NKPD1: variants seen among roughly 807,000 people sequenced by gnomAD.
The protein encoded by NKPD1 is NTPase KAP family P-loop domain containing 1.
A neutral mutation model predicts 42.2 loss-of-function variants in NKPD1; 37 were observed. The ratio of observed to expected loss-of-function variants is 0.88; its 90% confidence interval spans 0.67 to 1.15. The LOEUF is 1.15. Ranked by LOEUF, NKPD1 falls within the 50% of genes most tolerant of loss-of-function variation. The probability of loss-of-function intolerance (pLI) is 0.00; values close to 1 mark genes in which losing one functional copy is unlikely to be tolerated. For synonymous variants in NKPD1, 552 were observed against 536.5 expected, an observed-to-expected ratio of 1.03 and a Z score of -0.40; for missense variants, 1,113 against 1,174.6, an observed-to-expected ratio of 0.95 and a Z score of 0.77.
Position 45,155,896 on chromosome 19 carries a change from C to T in NKPD1, c.550G>A (p.Val184Ile), listed in dbSNP as rs142428545. ...GTCTTGGCCAGGCAGCTGCAGTAGA[C>T]GTCATCCTCTGTCAGGATGTCTGGT... ...YSSDILTEDD[V>I]YCSCLAKTLC... The change falls in exon 4 of 5, where the codon GTC becomes ATC. Residue 184 changes from valine to isoleucine, a missense_variant. Val to Ile is a conservative substitution (Grantham distance 29, BLOSUM62 3). Transcript: ENST00000686631. 1,074 of 1,305,170 alleles carry T rather than the reference C, an allele frequency of 8.2e-4. 9 individuals are homozygous for T. The African/African-American group carries it at 0.014, about 17-fold the overall frequency. 80.8% of individuals were successfully genotyped at this position (1,305,170 alleles called of 1,614,324 possible).
At position 45,153,677 on chromosome 19, in the gene NKPD1, G is replaced by A; in HGVS notation, c.760C>T (p.Leu254=). ...GGCTGCAGGAACACCAGGTACCACA[G>A]TAGCTGCGGGACGCCCCAGCCGCTC... ...AVSGWGVPQL[L]WYLVFLQPII... The change falls in exon 5 of 5, where the codon CTG becomes TTG. Residue 254 remains leucine, a synonymous_variant. Transcript: ENST00000686631. 1 of 1,564,924 alleles carries A rather than the reference G, an allele frequency of 6.4e-7. No homozygotes were observed. The highest frequency in any genetic ancestry group is 1.2e-5 in the South Asian group (1 of 85,920).
upstream of NKPD1, among the ~76,000 whole-genome samples, chr19:45,162,177 C>A (rs1020842766): frequency 6.6e-6 from 1 of 152,154 alleles, no homozygotes; most frequent in African/African-American, 2.4e-5. Context: ...GAGATTGCCC[C>A]GGGCTGGGAG....
At chr19:45,157,719 CTTTTTTTTTTT>C (rs34991759) in intron 3 of NKPD1, among the ~76,000 whole-genome samples, 11 of 83,352 alleles carry the variant, frequency 1.3e-4, no homozygotes, top group Admixed American at 2.9e-4. Flanking sequence ...CCCAGACATA[CTTTTTTTTTTT>C]TTTTTTTTTT....
intron 4 of NKPD1, 60 bp downstream of exon 4, chr19:45,155,725 G>T: frequency 7.9e-7 from 1 of 1,260,750 alleles, no homozygotes; most frequent in Non-Finnish European, 1.0e-6. Flanking sequence ...CCTGGAGCTG[G>T]GCGGGGACCA....
upstream of NKPD1, among the ~76,000 whole-genome samples, chr19:45,162,449 T>C (rs1206455731): frequency 2.0e-5 from 3 of 152,108 alleles, no homozygotes; most frequent in African/African-American, 4.8e-5. Flanking sequence ...CACTTACCCA[T>C]GTCAGGCAGC....
intron 2 of NKPD1, 30 bp from the exon 3 acceptor site, chr19:45,159,130 C>A (rs1436555768): frequency 8.0e-7 from 1 of 1,253,648 alleles, no homozygotes; most frequent in Admixed American, 3.1e-5. Context: ...GGTGACTGGG[C>A]CTGTGTCCCC....
rs747146478 is a variant in NKPD1, at chr19:45,152,791, T to G, written c.1646A>C (p.Asp549Ala). The G allele has an allele frequency of 6.2e-7, 1 of 1,602,340 alleles. No individual in the cohort carries two copies. Among genetic ancestry groups the G allele is most frequent in the Non-Finnish European group, 8.5e-7 (1 of 1,175,252 alleles). Residue 549 changes from aspartate to alanine, a missense_variant, in exon 5 of 5, where the codon GAC becomes GCC. This residue lies in a region of NKPD1 where 867 missense variants were observed against 870.1 expected (regional missense o/e 1.00). Coordinates refer to ENST00000686631, the MANE Select transcript of NKPD1 (RefSeq NM_198478.4). ...CGTCATCTCGCGGTACAACAGGTCGTCGCGGCTCTGCACCGCATCGTGCAG... is the reference window on the plus strand; with the variant it reads ...CGTCATCTCGCGGTACAACAGGTCGGCGCGGCTCTGCACCGCATCGTGCAG... ...QFLHDAVQSR[D>A]DLLYREMTRK... is the part of the protein sequence containing the mutation.
intron 3 of NKPD1, among the ~76,000 whole-genome samples, chr19:45,156,358 T>C (rs968019747): frequency 6.6e-5 from 10 of 152,098 alleles, no homozygotes; most frequent in African/African-American, 2.4e-4. Flanking sequence ...GGCCAGAGCA[T>C]GGAGAGGCCC....
Position 45,153,078 on chromosome 19 carries a change from G to A in NKPD1, c.1359C>T (p.Arg453=), listed in dbSNP as rs1486392554. ...CCAGCCCGGTGACCTCCAGCACCAC[G>A]CGCAGCCTGCGCCGCTGGTAGATCT... is the stretch of plus-strand genomic sequence containing the variant. ...FLEIYQRRRL[R]VVLEVTGLDT... Residue 453 remains arginine, a synonymous_variant, in exon 5 of 5, where the codon CGC becomes CGT. Transcript: ENST00000686631. The A allele has an allele frequency of 6.3e-7, 1 of 1,576,120 alleles. No individual in the cohort carries two copies. Among genetic ancestry groups the A allele is most frequent in the East Asian group, 2.4e-5 (1 of 42,466 alleles).
At chr19:45,161,984 G>C (rs1371240270), upstream of NKPD1, among the ~76,000 whole-genome samples, 3 of 3,548 alleles carry the variant, frequency 8.5e-4, no homozygotes, top group Admixed American at 3.0e-3. Flanking sequence ...CTGCGACCTG[G>C]GACCCCGTCT....
Position 45,152,942 on chromosome 19 carries a change from C to T in NKPD1, c.1495G>A (p.Ala499Thr). The change falls in exon 5 of 5, where the codon GCC becomes ACC. Residue 499 changes from alanine (A) to threonine (T), a missense_variant. Ala to Thr is a moderately conservative substitution (Grantham distance 58, BLOSUM62 0). Coordinates refer to ENST00000686631, the MANE Select transcript of NKPD1 (RefSeq NM_198478.4). ...FILVVDPSIL[A>T]ACLESAGNMK... The stretch of plus-strand genomic sequence containing the variant: ...TTGCCCGCGCTCTCTAGGCACGCGG[C>T]CAGGATGCTGGGGTCCACGACCAGG... The T allele has an allele frequency of 6.3e-7, 1 of 1,581,984 alleles. No homozygotes were observed. The highest frequency in any genetic ancestry group is 8.6e-7 in the Non-Finnish European group (1 of 1,162,682).
chr19:45,151,726 A>C lies in NKPD1; in HGVS notation c.*212T>G. The C allele has an allele frequency of 2.0e-6, 1 of 507,878 alleles. No homozygotes were observed. Among genetic ancestry groups the C allele is most frequent in the South Asian group, 3.6e-5 (1 of 27,602 alleles). The allele number at this position is 507,878 out of a possible 1,614,324, so 31.5% of individuals were successfully genotyped here. The stretch of plus-strand genomic sequence containing the variant: ...ATTGCATGTATACCCTGACTTCCTC[A>C]CTGGTCCTTCTGTGCCTGCTCTCAT... On this transcript the variant is annotated 3_prime_UTR_variant, in exon 5 of 5. Coordinates refer to ENST00000686631, the MANE Select transcript of NKPD1 (RefSeq NM_198478.4).
Position 45,153,075 on chromosome 19 carries a change from C to T in NKPD1, c.1362G>A (p.Val454=). The T allele has an allele frequency of 6.3e-7, 1 of 1,578,114 alleles. No homozygotes were observed. Among genetic ancestry groups the T allele is most frequent in the Non-Finnish European group, 8.6e-7 (1 of 1,162,460 alleles). ...TGTCCAGCCCGGTGACCTCCAGCAC[C>T]ACGCGCAGCCTGCGCCGCTGGTAGA... ...LEIYQRRRLR[V]VLEVTGLDTC... The change falls in exon 5 of 5, where the codon GTG becomes GTA. Residue 454 remains valine, a synonymous_variant. Coordinates refer to ENST00000686631, the MANE Select transcript of NKPD1 (RefSeq NM_198478.4).
At position 45,158,643 on chromosome 19, in the gene NKPD1, A is replaced by G; in HGVS notation, c.529+20T>C. 2.6e-6 allele frequency: 3 copies of G among 1,156,032 alleles called. No homozygotes were observed. The highest frequency in any genetic ancestry group is 3.2e-6 in the Non-Finnish European group (3 of 926,572). 71.6% of individuals were successfully genotyped at this position (1,156,032 alleles called of 1,614,324 possible). On this transcript the variant is annotated intron_variant, in intron 3 of 4. Transcript: ENST00000686631. The surrounding 1 kb of genome is among the most constrained non-coding windows in gnomAD (Gnocchi z 4.6). ...CGGCAGGAGTGGGGACAGGGCCCCCAAGAAGGCCAGGGTGAGCACCGGAGC... is the reference window on the plus strand; with the variant it reads ...CGGCAGGAGTGGGGACAGGGCCCCCGAGAAGGCCAGGGTGAGCACCGGAGC...
Position 45,152,688 on chromosome 19 carries a change from C to G in NKPD1, c.1749G>C (p.Glu583Asp). 1 of 1,541,600 alleles carries G rather than the reference C, an allele frequency of 6.5e-7. No homozygotes were observed. The highest frequency in any genetic ancestry group is 8.7e-7 in the Non-Finnish European group (1 of 1,148,884). The change falls in exon 5 of 5, where the codon GAG becomes GAC. Residue 583 changes from glutamate (E) to aspartate (D), a missense_variant. Physicochemically the swap from Glu to Asp is conservative, Grantham distance 45 (BLOSUM62 2). Transcript: ENST00000686631. ...LLAVQAQAGT[E>D]RGQGRIDDEA... ...CGTCGTCGATGCGGCCCTGCCCGCG[C>G]TCCGTCCCCGCCTGCGCCTGCACCG...
chr19:45,152,326 A>G lies in NKPD1; in HGVS notation c.2111T>C (p.Met704Thr), dbSNP rs1241442544. 1 of 1,609,132 alleles carries G rather than the reference A, an allele frequency of 6.2e-7. No individual in the cohort carries two copies. The highest frequency in any genetic ancestry group is 8.5e-7 in the Non-Finnish European group (1 of 1,177,754). ...FRDNSRELHT[M>T]TKALQNVLDL... Reference sequence around the variant, plus strand: ...GAGCACGTTCTGCAACGCCTTGGTCATGGTGTGCAGCTCGCGGCTGTTGTC... The same window carrying G: ...GAGCACGTTCTGCAACGCCTTGGTCGTGGTGTGCAGCTCGCGGCTGTTGTC... The change falls in exon 5 of 5, where the codon ATG becomes ACG. Residue 704 changes from methionine to threonine, a missense_variant. Met to Thr is a moderately conservative substitution (Grantham distance 81). Transcript: ENST00000686631.
rs1008270561 is a variant in NKPD1 at position 45,154,684 on chromosome 19, C to T, written c.662-909G>A. Among the ~76,000 whole-genome samples, 4 of 152,276 alleles carry T rather than the reference C, an allele frequency of 2.6e-5. No individual in the cohort carries two copies. The East Asian group carries it at 7.7e-4, about 29-fold the overall frequency. ...GTCAGTCCCAGCCCCTCTGGCCCCA[C>T]GTGGGGCTGAGGTCTGAGCTCCAGC... On this transcript the variant is annotated intron_variant, in intron 4 of 4. Coordinates refer to ENST00000686631, the MANE Select transcript of NKPD1 (RefSeq NM_198478.4).
intron 4 of NKPD1, among the ~76,000 whole-genome samples, chr19:45,154,198 G>C (rs751608619): frequency 1.3e-5 from 2 of 152,198 alleles, no homozygotes; most frequent in Non-Finnish European, 2.9e-5. Context: ...ATGCTGAGGA[G>C]GAGCTATGCT....
Position 45,152,103 on chromosome 19 carries a change from G to T in NKPD1, c.2334C>A (p.His778Gln), listed in dbSNP as rs768131950. ...AGGCGCTGTTGGCCCGGTGGGCAGC[G>T]TGGGGGGTATCGCGGGTAGGGGACT... Reference protein sequence around the residue: ...PPKSPTRDTPHAAHRANSASR... With the variant: ...PPKSPTRDTPQAAHRANSASR... The change falls in exon 5 of 5, where the codon CAC becomes CAA. Residue 778 changes from histidine (H) to glutamine (Q), a missense_variant. Physicochemically the swap from His to Gln is conservative, Grantham distance 24. Around this residue, in one of 3 missense-constraint regions of NKPD1, gnomAD observed 867 missense variants for 870.1 expected, o/e 1.00. Coordinates refer to ENST00000686631, the MANE Select transcript of NKPD1 (RefSeq NM_198478.4). 1 of 1,605,632 alleles carries T rather than the reference G, an allele frequency of 6.2e-7. No individual in the cohort carries two copies. Among genetic ancestry groups the T allele is most frequent in the South Asian group, 1.1e-5 (1 of 90,378 alleles).
Sources: gnomAD v4.1 joint callset for allele counts (sites outside exome capture counted in the v4.1 genomes callset) on GRCh38, gnomAD v4.1.1 for gene constraint, gnomAD v4.1.1 regional missense constraint, Gnocchi (gnomAD v3.1) non-coding constraint, MANE v1.5 for transcripts, NCBI Gene and HGNC (gene_info 2026-07-23, HGNC 2026-07-21) for gene names.